Variants in UBN2 observed in about 807,000 individuals in gnomAD.
The protein encoded by UBN2 is ubinuclein 2.
A neutral mutation model predicts 120.2 loss-of-function variants in UBN2; 35 were observed. The ratio of observed to expected loss-of-function variants is 0.29; its 90% CI spans 0.22 to 0.39. The LOEUF (loss-of-function observed/expected upper bound fraction) is 0.39, where lower values mean the gene tolerates loss of function less well. Among genes scored for constraint, UBN2 ranks in the 10% least tolerant of loss-of-function variants. UBN2 has a pLI of 1.00. For missense variants in UBN2, 1,693 were observed against 1,663.2 expected, an observed-to-expected ratio of 1.02 and a Z score of -0.31; for synonymous variants, 661 against 648.7, an observed-to-expected ratio of 1.02 and a Z score of -0.29.
At chr7:139,294,426 A>C (rs1431559972) in intron 17 of UBN2, among the ~76,000 whole-genome samples, 1 of 152,238 alleles carries the variant, frequency 6.6e-6, no homozygotes, top group Non-Finnish European at 1.5e-5. Flanking sequence ...CAACTTGCCC[A>C]AGATAATACA....
At chr7:139,315,306 T>C in the UBN2 span, 1 of 152,220 alleles carries the variant, frequency 6.6e-6, no homozygotes, top group Admixed American at 6.5e-5. Context: ...TATAGAACGC[T>C]GCACAATTTT....
chr7:139,314,576 C>G, the UBN2 span, among the ~76,000 whole-genome samples: 1 of 152,008 alleles, frequency 6.6e-6, no homozygotes, highest in Non-Finnish European at 1.5e-5. Context: ...ACCTCTGTCT[C>G]CCCGGTTCAA....
At chr7:139,286,862 A>G (rs1797805325) in intron 15 of UBN2, among the ~76,000 whole-genome samples, 1 of 152,284 alleles carries the variant, frequency 6.6e-6, no homozygotes. Flanking sequence ...TTGATATTCA[A>G]TATACATTGT....
At chr7:139,250,489 C>T (rs1322627300) in intron 2 of UBN2, among the ~76,000 whole-genome samples, 2 of 151,960 alleles carry the variant, frequency 1.3e-5, no homozygotes, top group Non-Finnish European at 2.9e-5. Flanking sequence ...CTGCCTCGAC[C>T]TCCCAAAGTG....
At chr7:139,290,229 T>C (rs1797914117) in intron 15 of UBN2, among the ~76,000 whole-genome samples, 1 of 152,136 alleles carries the variant, frequency 6.6e-6, no homozygotes, top group Admixed American at 6.5e-5. Flanking sequence ...CCACCGTGCC[T>C]TGCCAACTCT....
intron 17 of UBN2, 79 bp from the exon 18 acceptor site, chr7:139,297,708 T>G: frequency 7.7e-7 from 1 of 1,290,612 alleles, no homozygotes; most frequent in Non-Finnish European, 1.1e-6. Context: ...TAAAAGTTAA[T>G]TGTTGTTTTT....
intron 2 of UBN2, among the ~76,000 whole-genome samples, chr7:139,241,597 A>G (rs1584986665): frequency 6.6e-6 from 1 of 152,228 alleles, no homozygotes; most frequent in Non-Finnish European, 1.5e-5. Flanking sequence ...GCAGTCTTAT[A>G]AATAAAACAG....
chr7:139,278,809 CT>C (rs989103936), intron 12 of UBN2, among the ~76,000 whole-genome samples: 2 of 151,850 alleles, frequency 1.3e-5, no homozygotes, highest in Admixed American at 6.6e-5. Context: ...GGAACTTGTT[CT>C]TTTTTTTCAT....
Position 139,301,820 on chromosome 7 carries a change from A to C in UBN2, c.*3984A>C, listed in dbSNP as rs912695435. 3.9e-5 allele frequency: 6 copies of C among 151,980 alleles called. No individual in the cohort carries two copies. Among genetic ancestry groups the C allele is most frequent in the South Asian group, 2.1e-4 (1 of 4,822 alleles). 9.4% of individuals were successfully genotyped at this position (151,980 alleles called of 1,614,324 possible). On this transcript the variant is annotated 3_prime_UTR_variant, in exon 18 of 18. Coordinates refer to ENST00000473989, the MANE Select transcript of UBN2 (RefSeq NM_173569.4). ...TTCAGCACTGTAATTCTGCTGACCT[A>C]ATGTTCTCAAAAGAGGCACTTTTAC...
the UBN2 span, among the ~76,000 whole-genome samples, chr7:139,325,276 T>G: frequency 6.9e-6 from 1 of 144,010 alleles, no homozygotes; most frequent in Non-Finnish European, 1.5e-5. Flanking sequence ...TTTTTTTTTT[T>G]TTTTTTTTTG....
At chr7:139,264,314 C>G (rs1361181195) in intron 6 of UBN2, among the ~76,000 whole-genome samples, 2 of 151,914 alleles carry the variant, frequency 1.3e-5, no homozygotes, top group Admixed American at 1.3e-4. Context: ...TTATTTTTTT[C>G]CCCCAAAATA....
Position 139,289,414 on chromosome 7 carries a change from C to CTTTTTTTTTTT in UBN2, c.3670-3812_3670-3802dup, listed in dbSNP as rs1161484759. On this transcript the variant is annotated intron_variant, in intron 15 of 17. Transcript: ENST00000473989. The stretch of plus-strand genomic sequence containing the variant: ...ATTGCCCTCCCTAATTTACATTTTG[C>CTTTTTTTTTTT]TTTTTTTTTTTTTTTTGAGACAGGG... 5.4e-4 allele frequency among the ~76,000 whole-genome samples: 68 copies of CTTTTTTTTTTT among 125,784 alleles called. 3 individuals are homozygous for CTTTTTTTTTTT. The highest frequency in any genetic ancestry group is 1.9e-3 in the African/African-American group (60 of 32,166). 82.5% of individuals were successfully genotyped at this position (125,784 alleles called of 152,430 possible).
intron 1 of UBN2, among the ~76,000 whole-genome samples, chr7:139,232,832 AAG>A (rs1796065621): frequency 6.6e-6 from 1 of 152,230 alleles, no homozygotes; most frequent in South Asian, 2.1e-4. Context: ...CTTTTGATGT[AAG>A]AGGTGAACAA....
intron 13 of UBN2, among the ~76,000 whole-genome samples, chr7:139,281,339 G>A (rs1368548412): frequency 1.3e-5 from 2 of 152,000 alleles, no homozygotes; most frequent in African/African-American, 4.8e-5. Context: ...GATAAGATAA[G>A]GAAATGCCTA....
In UBN2 at chr7:139,302,201, A is replaced by G. The variant is rs1216977947; in HGVS notation, c.*4365A>G. 6.6e-6 allele frequency: 1 copy of G among 152,180 alleles called. No homozygotes were observed. The highest frequency in any genetic ancestry group is 2.4e-5 in the African/African-American group (1 of 41,440). 9.4% of individuals were successfully genotyped at this position (152,180 alleles called of 1,614,324 possible). On this transcript the variant is annotated 3_prime_UTR_variant, in exon 18 of 18. Coordinates refer to ENST00000473989, the MANE Select transcript of UBN2 (RefSeq NM_173569.4). The stretch of plus-strand genomic sequence containing the variant: ...ATCTCACACTTGTCAACATCATGTC[A>G]TGCTGTGTAACCCTCTTCCTTTGCT...
chr7:139,288,946 G>A (rs1313252358), intron 15 of UBN2, among the ~76,000 whole-genome samples: 1 of 148,780 alleles, frequency 6.7e-6, no homozygotes, highest in Non-Finnish European at 1.5e-5. Context: ...AGGTTGCAGT[G>A]AGCCGAGATT....
rs1796009583 is a variant in UBN2, at chr7:139,231,559, C to G, written c.75C>G (p.Pro25=). The change falls in exon 1 of 18, where the codon CCC becomes CCG. Residue 25 remains proline, a synonymous_variant. Transcript: ENST00000473989. ...GGCGCGAGGCCGAGTACCCGGGGCC[C>G]GAGCGTGAGCCCGAGTACCCCCGCG... ...VRRREAEYPG[P]EREPEYPREP... The G allele has an allele frequency of 1.4e-6, 2 of 1,414,144 alleles. No homozygotes were observed. The highest frequency in any genetic ancestry group is 9.3e-7 in the Non-Finnish European group (1 of 1,074,784). The allele number at this position is 1,414,144 out of a possible 1,614,324, so 87.6% of individuals were successfully genotyped here.
intron 2 of UBN2, among the ~76,000 whole-genome samples, chr7:139,248,710 CTG>C (rs1796539039): frequency 6.6e-6 from 1 of 151,968 alleles, no homozygotes; most frequent in Non-Finnish European, 1.5e-5. Flanking sequence ...TTAGTTTTGT[CTG>C]TGGATTTTTA....
chr7:139,320,044 C>A, the UBN2 span, among the ~76,000 whole-genome samples: 7 of 151,516 alleles, frequency 4.6e-5, no homozygotes, highest in Admixed American at 2.0e-4. Context: ...CCACTGCACT[C>A]CAGCCTGGGT....
Sources: allele counts gnomAD v4.1 joint callset (sites outside exome capture counted in the v4.1 genomes callset), GRCh38; gene constraint gnomAD v4.1.1; transcripts MANE v1.5; gene names NCBI Gene and HGNC (gene_info 2026-07-23, HGNC 2026-07-21).